The following CACNA2D3 variants were observed in gnomAD, a reference collection of about 807,000 sequenced individuals.
CACNA2D3 encodes calcium voltage-gated channel auxiliary subunit alpha2delta 3.
In CACNA2D3, 60 loss-of-function variants were observed where a neutral mutation model predicts 160.6. The observed-to-expected ratio is 0.37, with a 90% CI of 0.30 to 0.46. CACNA2D3 has a LOEUF of 0.46. Ranked by LOEUF, CACNA2D3 falls within the 20% of genes least tolerant of loss-of-function variation. The probability of loss-of-function intolerance (pLI) is 1.00; values close to 1 mark genes in which losing one functional copy is unlikely to be tolerated. For missense variants in CACNA2D3, 1,205 were observed against 1,365.0 expected (o/e 0.88, Z 1.85); for synonymous variants, 558 against 492.9 (o/e 1.13, Z -1.75).
chr3:54,627,740 C>A, intron 9 of CACNA2D3, 47 bp from the exon 10 acceptor site: 1 of 1,214,962 alleles, frequency 8.2e-7, no homozygotes, highest in Non-Finnish European at 1.2e-6. Flanking sequence ...GTTGGTGTTT[C>A]ACATAACAGG....
At chr3:54,162,022 G>A (rs1700354868) in intron 2 of CACNA2D3, among the ~76,000 whole-genome samples, 3 of 152,182 alleles carry the variant, frequency 2.0e-5, no homozygotes, top group African/African-American at 7.2e-5. Flanking sequence ...CATGGGCAGT[G>A]CTCTTCCCCA....
chr3:54,123,350 G>T (rs747481934), intron 1 of CACNA2D3, 163 bp from the exon 2 acceptor site: 6 of 620,332 alleles, frequency 9.7e-6, no homozygotes, highest in Admixed American at 8.4e-5. Context: ...CAGTTTTGGT[G>T]CTGGCAGTTT....
At chr3:54,265,599 G>GTGTA (rs1178879967) in intron 2 of CACNA2D3, among the ~76,000 whole-genome samples, 30 of 129,480 alleles carry the variant, frequency 2.3e-4, no homozygotes, top group South Asian at 9.6e-4. Context: ...TATATAGTGT[G>GTGTA]TATATATATA....
At chr3:54,477,549 C>T (rs1700851527) in intron 4 of CACNA2D3, among the ~76,000 whole-genome samples, 1 of 152,124 alleles carries the variant, frequency 6.6e-6, no homozygotes, top group South Asian at 2.1e-4. Flanking sequence ...TCTCCCTGGG[C>T]CCCCACATTA....
intron 4 of CACNA2D3, among the ~76,000 whole-genome samples, chr3:54,433,251 G>A (rs1466695728): frequency 6.6e-6 from 1 of 152,144 alleles, no homozygotes; most frequent in Non-Finnish European, 1.5e-5. Context: ...TCTCTTTCCA[G>A]TGTAGACTCT....
intron 35 of CACNA2D3, among the ~76,000 whole-genome samples, chr3:55,072,824 CAGA>C (rs1374357062): frequency 2.0e-5 from 3 of 152,226 alleles, no homozygotes; most frequent in African/African-American, 7.2e-5. Flanking sequence ...CCTGATGGAT[CAGA>C]AGGTCAGAGC....
At chr3:54,217,852 GC>G (rs1402371541) in intron 2 of CACNA2D3, among the ~76,000 whole-genome samples, 9 of 146,468 alleles carry the variant, frequency 6.1e-5, no homozygotes, top group African/African-American at 2.4e-4. Flanking sequence ...ATTAATATAG[GC>G]CTGAGAGACA....
chr3:54,898,376 C>T (rs563283596), intron 26 of CACNA2D3, among the ~76,000 whole-genome samples: 1 of 152,078 alleles, frequency 6.6e-6, no homozygotes, highest in Admixed American at 6.5e-5. Flanking sequence ...GCACCCGCCA[C>T]CATACCCAGC....
At position 54,507,289 on chromosome 3, in the gene CACNA2D3, A is replaced by G. The variant is rs142413171; in HGVS notation, c.544+3635A>G. Reference sequence around the variant, plus strand: ...TCCTTTCCTGCTTGTCCTAATGCCTATTCTTAGAAACCAGCTCAAATATAA... The same window carrying G: ...TCCTTTCCTGCTTGTCCTAATGCCTGTTCTTAGAAACCAGCTCAAATATAA... On this transcript the variant is annotated intron_variant, in intron 5 of 37. Transcript: ENST00000474759. Among the ~76,000 whole-genome samples the G allele has an allele frequency of 9.4e-4, 143 of 152,100 alleles. 1 individual carries two copies. The highest frequency in any genetic ancestry group is 3.1e-3 in the African/African-American group (130 of 41,492).
At chr3:54,122,891 T>G in intron 1 of CACNA2D3, 56 bp downstream of exon 1, 1 of 1,196,830 alleles carries the variant, frequency 8.4e-7, no homozygotes, top group Non-Finnish European at 1.0e-6. Flanking sequence ...TGCGACCCAC[T>G]GTGCCCAAGT....
chr3:54,844,642 A>G (rs1313631923), intron 16 of CACNA2D3, among the ~76,000 whole-genome samples: 1 of 152,120 alleles, frequency 6.6e-6, no homozygotes, highest in Non-Finnish European at 1.5e-5. Context: ...TGAAACTTAC[A>G]TTCTGGTAGG....
At position 54,896,768 on chromosome 3, in the gene CACNA2D3, G is replaced by A. The variant is rs781084360; in HGVS notation, c.2266G>A (p.Asp756Asn). 8.1e-6 allele frequency: 13 copies of A among 1,613,966 alleles called. No individual in the cohort carries two copies. The East Asian group carries it at 1.8e-4, about 22-fold the overall frequency. The change falls in exon 26 of 38, where the codon GAC becomes AAC. Residue 756 changes from aspartate to asparagine, a missense_variant. Physicochemically the swap from Asp to Asn is conservative, Grantham distance 23 (BLOSUM62 1). Transcript: ENST00000474759. ...TTCAAGGGACTTCCTGAAAGCTGGC[G>A]ACAAGGAGAACATTTTTAACGCAGA... ...LTNQDFLKAG[D>N]KENIFNADHF...
intron 3 of CACNA2D3, among the ~76,000 whole-genome samples, chr3:54,375,899 G>A (rs896595690): frequency 2.6e-5 from 4 of 152,140 alleles, no homozygotes; most frequent in Non-Finnish European, 5.9e-5. Context: ...AACATGGGGT[G>A]TATTTTGGAG....
In CACNA2D3 at chr3:54,124,425, T is replaced by A. The variant is rs961455191; in HGVS notation, c.204+831T>A. 3.3e-5 allele frequency among the ~76,000 whole-genome samples: 5 copies of A among 152,282 alleles called. No individual in the cohort carries two copies. The East Asian group carries it at 9.6e-4, about 29-fold the overall frequency. ...GTTCAAAGAATTTCAAGTTAGCAGA[T>A]CAACAGGATTAATCAAAGTATTCTC... On this transcript the variant is annotated intron_variant, in intron 2 of 37. Coordinates refer to ENST00000474759, the MANE Select transcript of CACNA2D3 (RefSeq NM_018398.3).
intron 5 of CACNA2D3, among the ~76,000 whole-genome samples, chr3:54,512,384 G>A (rs1026971005): frequency 3.3e-5 from 5 of 152,202 alleles, no homozygotes; most frequent in Non-Finnish European, 5.9e-5. Context: ...AAGCATTTCA[G>A]ACTACTGTGT....
chr3:54,808,685 C>T (rs1194587953), intron 13 of CACNA2D3, among the ~76,000 whole-genome samples: 1 of 152,088 alleles, frequency 6.6e-6, no homozygotes, highest in East Asian at 1.9e-4. Flanking sequence ...GATAAGTGTT[C>T]TGGATTTCTC....
At chr3:54,720,304 TATC>T (rs1237438466) in intron 11 of CACNA2D3, among the ~76,000 whole-genome samples, 1 of 152,046 alleles carries the variant, frequency 6.6e-6, no homozygotes, top group East Asian at 1.9e-4. Context: ...CACTTTTAGA[TATC>T]ATATTTTCAT....
At chr3:54,332,858 C>T (rs1453445835) in intron 3 of CACNA2D3, among the ~76,000 whole-genome samples, 1 of 152,090 alleles carries the variant, frequency 6.6e-6, no homozygotes, top group Non-Finnish European at 1.5e-5. Context: ...GGGTTGGCTA[C>T]TGTTAAGATC....
intron 31 of CACNA2D3, among the ~76,000 whole-genome samples, chr3:55,004,380 C>G (rs1170404126): frequency 2.0e-5 from 3 of 152,164 alleles, no homozygotes; most frequent in African/African-American, 4.8e-5. Context: ...TTCTCCTGTC[C>G]CTTGGAGACA....
Sources: allele counts gnomAD v4.1 joint callset (sites outside exome capture counted in the v4.1 genomes callset), GRCh38; gene constraint gnomAD v4.1.1; transcripts MANE v1.5; gene names NCBI Gene and HGNC (gene_info 2026-07-23, HGNC 2026-07-21).